MYO9B: variants seen among roughly 807,000 people sequenced by gnomAD.
MYO9B encodes unconventional myosin-IXb.
Under a neutral mutation model 229.5 loss-of-function variants are expected in MYO9B, and 71 were observed. The observed-to-expected ratio is 0.31, with a 90% confidence interval of 0.26 to 0.38. The LOEUF (loss-of-function observed/expected upper bound fraction) is 0.38, where lower values mean the gene tolerates loss of function less well. Among genes scored for constraint, MYO9B ranks in the 10% least tolerant of loss-of-function variants. The pLI, the probability that MYO9B is intolerant of heterozygous loss-of-function variation, is 1.00. For synonymous variants in MYO9B, 1,185 were observed against 1,235.8 expected (o/e 0.96, Z 0.86); for missense variants, 2,255 against 2,920.5 (o/e 0.77, Z 5.25).
At chr19:17,167,267 A>C (rs2145336299) in intron 10 of MYO9B, among the ~76,000 whole-genome samples, 1 of 149,242 alleles carries the variant, frequency 6.7e-6, no homozygotes. Flanking sequence ...TCCTGGACTC[A>C]AGCCATCCTC....
chr19:17,197,445 T>C lies in MYO9B; in HGVS notation c.4047-347T>C, dbSNP rs138725808. On this transcript the variant is annotated intron_variant, in intron 22 of 39. Transcript: ENST00000682292. ...ATAGATAGATAGATAGATAGATAGA[T>C]AGATACATAGATAGATAGATGGGCA... Among the ~76,000 whole-genome samples the C allele has an allele frequency of 1.4e-3, 219 of 151,158 alleles. 2 individuals carry two copies. The highest frequency in any genetic ancestry group is 4.6e-3 in the African/African-American group (187 of 40,652).
intron 19 of MYO9B, 58 bp downstream of exon 19, chr19:17,188,103 T>G (rs1238380289): frequency 7.0e-7 from 1 of 1,434,396 alleles, no homozygotes; most frequent in African/African-American, 1.4e-5. Context: ...GCAATCACCC[T>G]CTTCCAAAGA....
chr19:17,086,852 C>T (rs2057588083), intron 1 of MYO9B, among the ~76,000 whole-genome samples: 1 of 149,296 alleles, frequency 6.7e-6, no homozygotes, highest in Non-Finnish European at 1.5e-5. Flanking sequence ...TGCACTTCAG[C>T]CTGGAAAACA....
intron 10 of MYO9B, among the ~76,000 whole-genome samples, chr19:17,164,385 CT>C (rs11387142): frequency 6.7e-4 from 98 of 145,618 alleles, no homozygotes; most frequent in Non-Finnish European, 6.4e-4. Flanking sequence ...TCTGACGTGT[CT>C]TTTTTTTTTT....
Position 17,193,067 on chromosome 19 carries a change from G to A in MYO9B, c.3128+5G>A. Reference sequence around the variant, plus strand: ...GGGGCACCTGCAGCGCAAGAGGTGAGCAGAGCCGGGCCACGCTCCTCGGAA... The same window carrying A: ...GGGGCACCTGCAGCGCAAGAGGTGAACAGAGCCGGGCCACGCTCCTCGGAA... On this transcript the variant is annotated splice_donor_5th_base_variant and intron_variant, in intron 21 of 39. Coordinates refer to ENST00000682292, the MANE Select transcript of MYO9B (RefSeq NM_004145.4). The surrounding 1 kb of genome is among the most constrained non-coding windows in gnomAD (Gnocchi z 4.3). The A allele has an allele frequency of 6.9e-7, 1 of 1,440,950 alleles. No homozygotes were observed. The highest frequency in any genetic ancestry group is 1.5e-5 in the South Asian group (1 of 68,624). The allele number at this position is 1,440,950 out of a possible 1,614,324, so 89.3% of individuals were successfully genotyped here.
In MYO9B at chr19:17,170,246, G is replaced by A. The variant is rs551468464; in HGVS notation, c.1794-2090G>A. Among the ~76,000 whole-genome samples, 14 of 152,076 alleles carry A rather than the reference G, an allele frequency of 9.2e-5. No individual in the cohort carries two copies. The South Asian group carries it at 2.7e-3, about 29-fold the overall frequency. On this transcript the variant is annotated intron_variant, in intron 11 of 39. Transcript: ENST00000682292. ...CCATCCATATGGAACTAGGTCCCAC[G>A]CTAATGACCTCATCTTAACTAATTA...
chr19:17,195,305 G>A lies in MYO9B; in HGVS notation c.3878G>A (p.Gly1293Asp). 6.2e-7 allele frequency: 1 copy of A among 1,612,576 alleles called. No individual in the cohort carries two copies. The highest frequency in any genetic ancestry group is 8.5e-7 in the Non-Finnish European group (1 of 1,179,748). ...CAGGAAAAGCCCGACAGCCCCGGAG[G>A]CTCCACGCAGATCCAGCGGTACCTG... ...RVQEKPDSPG[G>D]STQIQRYLDA... The change falls in exon 22 of 40, where the codon GGC becomes GAC. Residue 1293 changes from glycine (G) to aspartate (D), a missense_variant. Physicochemically the swap from Gly to Asp is moderately conservative, Grantham distance 94. Around this residue, in one of 7 missense-constraint regions of MYO9B, gnomAD observed 679 missense variants for 770.2 expected, o/e 0.88. Transcript: ENST00000682292. This position sits in a 1 kb window ranked among gnomAD's most constrained non-coding sequence, Gnocchi z 4.5.
intron 8 of MYO9B, among the ~76,000 whole-genome samples, chr19:17,159,918 T>C (rs2072579524): frequency 6.6e-6 from 1 of 152,174 alleles, no homozygotes; most frequent in Non-Finnish European, 1.5e-5. Flanking sequence ...AATGACTCCT[T>C]CATCCCTTCC....
At chr19:17,097,249 A>G (rs570731914) in intron 1 of MYO9B, among the ~76,000 whole-genome samples, 49 of 151,926 alleles carry the variant, frequency 3.2e-4, no homozygotes, top group African/African-American at 1.2e-3. Context: ...TCAGCCCAAC[A>G]GGCGGAGGTT....
At chr19:17,090,244 A>G (rs1482934446) in intron 1 of MYO9B, among the ~76,000 whole-genome samples, 1 of 143,704 alleles carries the variant, frequency 7.0e-6, no homozygotes, top group African/African-American at 2.6e-5. Context: ...CCCAGGCCCA[A>G]GCCATCTTCC....
Position 17,210,353 on chromosome 19 carries a change from G to A in MYO9B, c.5769G>A (p.Gly1923=), listed in dbSNP as rs142274055. The part of the protein sequence containing the change: ...RQNAPWPLKL[G]FSSPYEGVLN... Reference sequence around the variant, plus strand: ...CCCAGCCATGGCCTCTCAAACTGGGGTTTTCGTCTCCCTATGAGGGGGTCC... The same window carrying A: ...CCCAGCCATGGCCTCTCAAACTGGGATTTTCGTCTCCCTATGAGGGGGTCC... The change falls in exon 37 of 40, where the codon GGG becomes GGA. Residue 1923 remains glycine, a synonymous_variant. Transcript: ENST00000682292. The A allele has an allele frequency of 8.1e-6, 13 of 1,599,372 alleles. No homozygotes were observed. Among genetic ancestry groups the A allele is most frequent in the African/African-American group, 1.3e-5 (1 of 74,682 alleles).
Position 17,110,881 on chromosome 19 carries a change from A to G in MYO9B, c.840+8324A>G, listed in dbSNP as rs2057841430. 2.0e-5 allele frequency among the ~76,000 whole-genome samples: 3 copies of G among 152,162 alleles called. No homozygotes were observed. In the South Asian group the frequency reaches 6.2e-4, roughly 32 times the overall value. On this transcript the variant is annotated intron_variant, in intron 2 of 39. Transcript: ENST00000682292. ...TGCCCCAGACCCCCCTCTTGGGGCA[A>G]AGGAACCTAGGACTCGTACCCACCT...
At chr19:17,181,155 G>A (rs369644826) in intron 15 of MYO9B, 115 bp downstream of exon 15, 3 of 654,600 alleles carry the variant, frequency 4.6e-6, no homozygotes, top group East Asian at 5.8e-5. Flanking sequence ...AAACCACAGT[G>A]CTGTCTCATG....
At chr19:17,182,778 G>A (rs1388453324) in intron 15 of MYO9B, among the ~76,000 whole-genome samples, 1 of 152,050 alleles carries the variant, frequency 6.6e-6, no homozygotes, top group Non-Finnish European at 1.5e-5. Flanking sequence ...TCCTTAGCCG[G>A]TCTTCAAAAG....
At chr19:17,184,243 T>C (rs1274381034) in intron 16 of MYO9B, among the ~76,000 whole-genome samples, 2 of 152,216 alleles carry the variant, frequency 1.3e-5, no homozygotes, top group African/African-American at 2.4e-5. Flanking sequence ...CCCAACGTAA[T>C]GGGACCCTTC....
At position 17,162,427 on chromosome 19, in the gene MYO9B, C is replaced by T. The variant is rs763721951; in HGVS notation, c.1497C>T (p.His499=). 1.2e-5 allele frequency: 19 copies of T among 1,584,446 alleles called. No homozygotes were observed. The highest frequency in any genetic ancestry group is 2.7e-5 in the African/African-American group (2 of 74,116). The change falls in exon 9 of 40, where the codon CAC becomes CAT. Residue 499 remains histidine (H), a synonymous_variant. Transcript: ENST00000682292. The part of the protein sequence containing the change: ...LFDWIVLRIN[H]ALLNKKDVEE... ...ACTGGATTGTGCTGCGGATCAACCACGCACTCCTCAACAAGAAGGACGTGG... is the reference window on the plus strand; with the variant it reads ...ACTGGATTGTGCTGCGGATCAACCATGCACTCCTCAACAAGAAGGACGTGG...
Position 17,210,775 on chromosome 19 carries a change from G to A in MYO9B, c.5857G>A (p.Glu1953Lys). ...EEELEVLLEE[E>K]AAGGDEDREK... The stretch of plus-strand genomic sequence containing the variant: ...GGAGCTGGAGGTGCTGCTGGAGGAG[G>A]AGGCAGCCGGCGGCGATGAGGACCG... Residue 1953 changes from glutamate (E) to lysine (K), a missense_variant, in exon 38 of 40, where the codon GAG (glutamate) becomes AAG (lysine). By Grantham distance (56) the Glu-to-Lys change is moderately conservative. Around this residue, in one of 7 missense-constraint regions of MYO9B, gnomAD observed 331 missense variants for 332.5 expected, o/e 1.00. Coordinates refer to ENST00000682292, the MANE Select transcript of MYO9B (RefSeq NM_004145.4). 6.3e-7 allele frequency: 1 copy of A among 1,578,598 alleles called. No individual in the cohort carries two copies. The highest frequency in any genetic ancestry group is 8.6e-7 in the Non-Finnish European group (1 of 1,162,810).
Position 17,202,246 on chromosome 19 carries a change from G to A in MYO9B, c.4779G>A (p.Gln1593=), listed in dbSNP as rs1340003325. 42 of 1,603,074 alleles carry A rather than the reference G, an allele frequency of 2.6e-5. No homozygotes were observed. The highest frequency in any genetic ancestry group is 3.4e-5 in the Non-Finnish European group (40 of 1,175,696). Residue 1593 remains glutamine, a synonymous_variant, in exon 28 of 40, where the codon CAG becomes CAA. Coordinates refer to ENST00000682292, the MANE Select transcript of MYO9B (RefSeq NM_004145.4). ...CCAACCTGGTCCTCAACCTCTTCCA[G>A]TCACTGCTAGATGAGTTCACCCGTG... The part of the protein sequence containing the change: ...KDTNLVLNLF[Q]SLLDEFTRGY...
Position 17,173,033 on chromosome 19 carries a change from A to G in MYO9B, c.2140+70A>G, listed in dbSNP as rs771131938. 1.8e-5 allele frequency: 27 copies of G among 1,529,046 alleles called. No homozygotes were observed. In the Admixed American group the frequency reaches 3.1e-4, roughly 18 times the overall value. 94.7% of individuals were successfully genotyped at this position (1,529,046 alleles called of 1,614,324 possible). ...GGGGGCACATCCTGAGTTCATCTTA[A>G]AGTGAACACTTCAGTGGCATTTAGT... On this transcript the variant is annotated intron_variant, in intron 13 of 39. Coordinates refer to ENST00000682292, the MANE Select transcript of MYO9B (RefSeq NM_004145.4).
Sources: allele counts gnomAD v4.1 joint callset (sites outside exome capture counted in the v4.1 genomes callset), GRCh38; gene constraint gnomAD v4.1.1; regional missense constraint gnomAD v4.1.1; non-coding constraint Gnocchi (gnomAD v3.1); transcripts MANE v1.5; gene names NCBI Gene and HGNC (gene_info 2026-07-23, HGNC 2026-07-21).